The following TBC1D16 variants were observed in gnomAD, a reference collection of about 807,000 sequenced individuals.
TBC1D16 encodes the protein TBC1 domain family member 16, also known as CTD-2529O21.1.
TBC1D16 carries 58 observed loss-of-function variants against 74.7 expected under a neutral mutation model. The ratio of observed to expected loss-of-function variants is 0.78; its 90% CI spans 0.63 to 0.97. The LOEUF (loss-of-function observed/expected upper bound fraction) is 0.97, where lower values mean the gene tolerates loss of function less well. Ranked by LOEUF, TBC1D16 falls within the 50% of genes least tolerant of loss-of-function variation. The probability of loss-of-function intolerance (pLI) is 0.00; values close to 1 mark genes in which losing one functional copy is unlikely to be tolerated. For missense variants in TBC1D16, 1,014 were observed against 1,079.5 expected (o/e 0.94, Z 0.85); for synonymous variants, 493 against 474.7 (o/e 1.04, Z -0.50).
At chr17:79,949,154 G>A (rs1189470697) in intron 7 of TBC1D16, 148 bp from the exon 8 acceptor site, 2 of 893,832 alleles carry the variant, frequency 2.2e-6, no homozygotes, top group Non-Finnish European at 1.7e-6. Context: ...GACCCTCCCC[G>A]GATGCGGCGG....
chr17:80,001,574 G>A lies in TBC1D16; in HGVS notation c.779+8586C>T, dbSNP rs1430627384. Among the ~76,000 whole-genome samples the A allele has an allele frequency of 6.6e-6, 1 of 151,694 alleles. No individual in the cohort carries two copies. The highest frequency in any genetic ancestry group is 6.6e-5 in the Admixed American group (1 of 15,248). ...TCCCCGGGCGCCCTGGTTGGCCCAC[G>A]ACCGGGATCAGGGGTTTGATCCTGA... On this transcript the variant is annotated intron_variant, in intron 3 of 11. Transcript: ENST00000310924. The surrounding 1 kb of genome is among the most constrained non-coding windows in gnomAD (Gnocchi z 5.8).
chr17:79,970,643 C>T lies in TBC1D16; in HGVS notation c.780-17825G>A, dbSNP rs190293026. ...GGGAAGTCAGGCAGCAAACGGTAAA[C>T]GGGTCATGGGGTGCTCTAAGGGAAT... On this transcript the variant is annotated intron_variant, in intron 3 of 11. Transcript: ENST00000310924. Among the ~76,000 whole-genome samples the T allele has an allele frequency of 5.2e-3, 796 of 152,064 alleles. 2 individuals are homozygous for T. The highest frequency in any genetic ancestry group is 8.1e-3 in the Non-Finnish European group (553 of 67,972).
Position 79,940,779 on chromosome 17 carries a change from C to G in TBC1D16, c.*80G>C. The G allele has an allele frequency of 7.0e-7, 1 of 1,420,822 alleles. No homozygotes were observed. The highest frequency in any genetic ancestry group is 1.6e-5 in the South Asian group (1 of 61,918). The allele number at this position is 1,420,822 out of a possible 1,614,324, so 88.0% of individuals were successfully genotyped here. ...GGTTTCTACCGTCCCCTGTCCCCTT[C>G]ACGCCCAGCCCCACCCCCTCCCGTG... On this transcript the variant is annotated 3_prime_UTR_variant, in exon 12 of 12. Coordinates refer to ENST00000310924, the MANE Select transcript of TBC1D16 (RefSeq NM_019020.4). The surrounding 1 kb of genome is among the most constrained non-coding windows in gnomAD (Gnocchi z 5.4).
intron 1 of TBC1D16, among the ~76,000 whole-genome samples, chr17:80,017,680 C>CAAAAAAAA (rs57336950): frequency 1.2e-5 from 1 of 84,824 alleles, no homozygotes; most frequent in Non-Finnish European, 2.4e-5. Context: ...GACTCCATCT[C>CAAAAAAAA]AAAAAAAAAA....
chr17:80,018,613 CTT>C (rs74490917), intron 1 of TBC1D16, among the ~76,000 whole-genome samples: 24 of 140,966 alleles, frequency 1.7e-4, no homozygotes, highest in Non-Finnish European at 1.1e-4. Context: ...CTTTTACATT[CTT>C]TTTTTTTTTT....
At position 79,975,809 on chromosome 17, in the gene TBC1D16, G is replaced by A. The variant is rs1367663119; in HGVS notation, c.780-22991C>T. ...ATGCCTGCGTCTGCCCACACCTGCA[G>A]AGCATGAGCCCCACTTTGGAATGAC... is the stretch of plus-strand genomic sequence containing the variant. On this transcript the variant is annotated intron_variant, in intron 3 of 11. Transcript: ENST00000310924. This position sits in a 1 kb window ranked among gnomAD's most constrained non-coding sequence, Gnocchi z 4.5. Among the ~76,000 whole-genome samples the A allele has an allele frequency of 6.6e-6, 1 of 152,218 alleles. No individual in the cohort carries two copies. The highest frequency in any genetic ancestry group is 1.5e-5 in the Non-Finnish European group (1 of 68,038).
At chr17:80,015,531 G>C (rs2144704548) in intron 1 of TBC1D16, among the ~76,000 whole-genome samples, 1 of 152,310 alleles carries the variant, frequency 6.6e-6, no homozygotes, top group Non-Finnish European at 1.5e-5. Context: ...ACCACAGCTG[G>C]GCTGCGTGCA....
At chr17:79,967,249 G>T (rs1276726018) in intron 3 of TBC1D16, among the ~76,000 whole-genome samples, 1 of 151,778 alleles carries the variant, frequency 6.6e-6, no homozygotes, top group African/African-American at 2.4e-5. Context: ...AATGCAAAAA[G>T]ATTTTAAAAA....
chr17:79,971,353 C>T lies in TBC1D16; in HGVS notation c.780-18535G>A, dbSNP rs2034095690. Among the ~76,000 whole-genome samples, 1 of 152,160 alleles carries T rather than the reference C, an allele frequency of 6.6e-6. No individual in the cohort carries two copies. The highest frequency in any genetic ancestry group is 1.5e-5 in the Non-Finnish European group (1 of 68,022). On this transcript the variant is annotated intron_variant, in intron 3 of 11. Transcript: ENST00000310924. This position sits in a 1 kb window ranked among gnomAD's most constrained non-coding sequence, Gnocchi z 4.6. ...TCCCAGTATTTTTTAAGTTGCTTAA[C>T]ATTTGCAAGTGGTAAATAAATTCAC...
At position 79,982,715 on chromosome 17, in the gene TBC1D16, CG is replaced by C. The variant is rs2034637007; in HGVS notation, c.779+27444del. Among the ~76,000 whole-genome samples, 3 of 151,500 alleles carry C rather than the reference CG, an allele frequency of 2.0e-5. No individual in the cohort carries two copies. The South Asian group carries it at 6.3e-4, about 32-fold the overall frequency. On this transcript the variant is annotated intron_variant, in intron 3 of 11. Coordinates refer to ENST00000310924, the MANE Select transcript of TBC1D16 (RefSeq NM_019020.4). ...TAAAAAAAAAAATACAAAAATTAGC[CG>C]GGTGTAACGGCCGGTGCCTGTAATC...
At chr17:79,997,264 T>C (rs1319069566) in intron 3 of TBC1D16, among the ~76,000 whole-genome samples, 1 of 152,092 alleles carries the variant, frequency 6.6e-6, no homozygotes, top group Non-Finnish European at 1.5e-5. Flanking sequence ...CCAACCTCAA[T>C]TTCCTGGTTT....
Position 79,954,744 on chromosome 17 carries a change from C to T in TBC1D16, c.780-1926G>A, listed in dbSNP as rs965325281. 2.6e-5 allele frequency among the ~76,000 whole-genome samples: 4 copies of T among 152,214 alleles called. No individual in the cohort carries two copies. Among genetic ancestry groups the T allele is most frequent in the East Asian group, 1.9e-4 (1 of 5,168 alleles). On this transcript the variant is annotated intron_variant, in intron 3 of 11. Transcript: ENST00000310924. This position sits in a 1 kb window ranked among gnomAD's most constrained non-coding sequence, Gnocchi z 5.5. ...GCTGTGACTGTGAGAGCTGCTGCCCCGTGTGCTGCCTGCTGGCCCGGCCCA... is the reference window on the plus strand; with the variant it reads ...GCTGTGACTGTGAGAGCTGCTGCCCTGTGTGCTGCCTGCTGGCCCGGCCCA...
Position 80,010,155 on chromosome 17 carries a change from C to T in TBC1D16, c.779+5G>A. 1.2e-6 allele frequency: 2 copies of T among 1,605,242 alleles called. No individual in the cohort carries two copies. Among genetic ancestry groups the T allele is most frequent in the Non-Finnish European group, 1.7e-6 (2 of 1,175,306 alleles). ...GAGAGCCCACGCCCAGAACCAGGAA[C>T]TCACCTGCTGTCACTTTCCAGAAAC... On this transcript the variant is annotated splice_donor_5th_base_variant and intron_variant, in intron 3 of 11. Transcript: ENST00000310924. The surrounding 1 kb of genome is among the most constrained non-coding windows in gnomAD (Gnocchi z 8.8).
intron 1 of TBC1D16, among the ~76,000 whole-genome samples, chr17:80,025,212 C>T (rs1262908129): frequency 2.0e-5 from 3 of 149,964 alleles, no homozygotes; most frequent in Non-Finnish European, 4.4e-5. Flanking sequence ...CCATGACACA[C>T]ACCACACACA....
At position 80,035,839 on chromosome 17, in the gene TBC1D16, C is replaced by T. The variant is rs1015605211; in HGVS notation, c.-107G>A. ...CCGGATTCGCGCCGGCTCCGAGAGCCGCCACCGTCGCCTCCGCCGCTGCCG... is the reference window on the plus strand; with the variant it reads ...CCGGATTCGCGCCGGCTCCGAGAGCTGCCACCGTCGCCTCCGCCGCTGCCG... On this transcript the variant is annotated 5_prime_UTR_variant, in exon 1 of 12. Coordinates refer to ENST00000310924, the MANE Select transcript of TBC1D16 (RefSeq NM_019020.4). The surrounding 1 kb of genome is among the most constrained non-coding windows in gnomAD (Gnocchi z 5.3). 1.4e-5 allele frequency: 2 copies of T among 146,522 alleles called. No individual in the cohort carries two copies. The highest frequency in any genetic ancestry group is 2.4e-5 in the African/African-American group (1 of 40,850). The allele number at this position is 146,522 out of a possible 1,614,324, so 9.1% of individuals were successfully genotyped here.
At chr17:79,972,808 G>A (rs774475349) in intron 3 of TBC1D16, among the ~76,000 whole-genome samples, 1 of 152,136 alleles carries the variant, frequency 6.6e-6, no homozygotes, top group Admixed American at 6.5e-5. Flanking sequence ...GGCTGGGTGC[G>A]GTGGCTCACA....
chr17:79,946,653 C>T (rs954462955), intron 9 of TBC1D16, among the ~76,000 whole-genome samples: 1 of 152,202 alleles, frequency 6.6e-6, no homozygotes, highest in African/African-American at 2.4e-5. Context: ...GGTGGGGACC[C>T]CCGTTCTATG....
At chr17:79,992,626 C>T (rs992334269) in intron 3 of TBC1D16, among the ~76,000 whole-genome samples, 1 of 152,240 alleles carries the variant, frequency 6.6e-6, no homozygotes, top group Non-Finnish European at 1.5e-5. Flanking sequence ...CCACAGCGAC[C>T]ACCCACCCGG....
intron 3 of TBC1D16, among the ~76,000 whole-genome samples, chr17:79,972,347 T>G (rs1262287505): frequency 1.3e-5 from 2 of 152,002 alleles, no homozygotes; most frequent in Non-Finnish European, 2.9e-5. Context: ...TGGCTAATTT[T>G]TGTATTTTTA....
Sources: gnomAD v4.1 joint callset for allele counts (sites outside exome capture counted in the v4.1 genomes callset) on GRCh38, gnomAD v4.1.1 for gene constraint, Gnocchi (gnomAD v3.1) non-coding constraint, MANE v1.5 for transcripts, NCBI Gene and HGNC (gene_info 2026-07-23, HGNC 2026-07-21) for gene names.